CREBBP: variants seen among roughly 807,000 people sequenced by gnomAD.
CREBBP encodes the protein CREB binding lysine acetyltransferase, also known as CREB-binding protein.
CREBBP carries 19 observed loss-of-function variants against 265.0 expected under a neutral mutation model. The observed-to-expected ratio is 0.07, with a 90% confidence interval of 0.05 to 0.11. CREBBP has a LOEUF of 0.11. Ranked by LOEUF, CREBBP falls within the 10% of genes least tolerant of loss-of-function variation. CREBBP has a pLI of 1.00. For missense variants in CREBBP, 2,525 were observed against 3,219.0 expected (o/e 0.78, Z 5.22); for synonymous variants, 1,457 against 1,223.7 (o/e 1.19, Z -3.98).
chr16:3,872,049 C>T (rs1463053386), intron 1 of CREBBP, among the ~76,000 whole-genome samples: 3 of 152,116 alleles, frequency 2.0e-5, no homozygotes, highest in South Asian at 2.1e-4. Context: ...AATGAAACAC[C>T]GGGGAAAATG....
chr16:3,732,364 G>A (rs1174846767), intron 28 of CREBBP, among the ~76,000 whole-genome samples: 1 of 152,110 alleles, frequency 6.6e-6, no homozygotes, highest in African/African-American at 2.4e-5. Flanking sequence ...GCTGCTGATG[G>A]GAAAAGCAGC....
At position 3,767,957 on chromosome 16, in the gene CREBBP, G is replaced by A. The variant is rs183880012; in HGVS notation, c.3061-48C>T. On this transcript the variant is annotated intron_variant, in intron 15 of 30. Transcript: ENST00000262367. ...ACATATGAATATCAAACACCTTTATGTTACCGCAACCTCACGGGAAGACTC... is the reference window on the plus strand; with the variant it reads ...ACATATGAATATCAAACACCTTTATATTACCGCAACCTCACGGGAAGACTC... 108 of 1,578,208 alleles carry A rather than the reference G, an allele frequency of 6.8e-5. No homozygotes were observed. In the East Asian group the frequency reaches 2.3e-3, roughly 34 times the overall value.
intron 28 of CREBBP, among the ~76,000 whole-genome samples, chr16:3,734,366 G>C (rs568711558): frequency 6.6e-6 from 1 of 152,250 alleles, no homozygotes; most frequent in East Asian, 1.9e-4. Flanking sequence ...TCTACATGCC[G>C]ACACCTCAGC....
At position 3,846,756 on chromosome 16, in the gene CREBBP, T is replaced by C. The variant is rs149551774; in HGVS notation, c.798+3541A>G. 1.7e-4 allele frequency among the ~76,000 whole-genome samples: 26 copies of C among 152,278 alleles called. No individual in the cohort carries two copies. The East Asian group carries it at 4.2e-3, about 25-fold the overall frequency. On this transcript the variant is annotated intron_variant, in intron 2 of 30. Transcript: ENST00000262367. ...ATGCTACTCTTTATGTCTGGGGAGA[T>C]AGCACACACATACCCACACCCCTCT...
chr16:3,797,295 T>C (rs1490846238), intron 3 of CREBBP, among the ~76,000 whole-genome samples: 3 of 152,220 alleles, frequency 2.0e-5, no homozygotes, highest in Non-Finnish European at 2.9e-5. Flanking sequence ...GCAATCTATA[T>C]TGCCAGATAC....
In CREBBP at chr16:3,740,541, T is replaced by C. The variant is rs760738733; in HGVS notation, c.3991A>G (p.Thr1331Ala). The C allele has an allele frequency of 1.2e-6, 2 of 1,614,110 alleles. No homozygotes were observed. The highest frequency in any genetic ancestry group is 1.1e-5 in the South Asian group (1 of 91,080). ...ENKFSAKRLQ[T>A]TRLGNHLEDR... ...TCCAAGTGGTTTCCCAGTCTTGTGG[T>C]CTGCAGCCCTAGGAAGTCCAGAAGG... Residue 1331 changes from threonine (T) to alanine (A), a missense_variant, in exon 24 of 31, where the codon ACC becomes GCC. Around this residue, in one of 19 missense-constraint regions of CREBBP, gnomAD observed 252 missense variants for 452.5 expected, o/e 0.56. Coordinates refer to ENST00000262367, the MANE Select transcript of CREBBP (RefSeq NM_004380.3).
At position 3,773,860 on chromosome 16, in the gene CREBBP, GCCATCATGTTGTTGGTGTGTGCAC is replaced by G. The variant is rs1390131531; in HGVS notation, c.2330_2353del (p.Gly777_Met784del). Reference sequence around the variant, plus strand: ...AAACTGGCTCTGAGCGGGCGCCTGGGCCATCATGTTGTTGGTGTGTGCACCCATCATGTTCGGAGGCTGAGGCAT... The same window carrying G: ...AAACTGGCTCTGAGCGGGCGCCTGGGCCATCATGTTCGGAGGCTGAGGCAT... On this transcript the variant is annotated inframe_deletion, in exon 13 of 31. Coordinates refer to ENST00000262367, the MANE Select transcript of CREBBP (RefSeq NM_004380.3). The G allele has an allele frequency of 6.2e-7, 1 of 1,612,334 alleles. No homozygotes were observed. The highest frequency in any genetic ancestry group is 1.1e-5 in the South Asian group (1 of 91,002).
chr16:3,867,528 A>G (rs1371006330), intron 1 of CREBBP, among the ~76,000 whole-genome samples: 1 of 152,154 alleles, frequency 6.6e-6, no homozygotes, highest in African/African-American at 2.4e-5. Flanking sequence ...ATTCCTATTT[A>G]TATAACATAG....
At position 3,877,744 on chromosome 16, in the gene CREBBP, GT is replaced by G. The variant is rs1380541975; in HGVS notation, c.85+2087del. On this transcript the variant is annotated intron_variant, in intron 1 of 30. Transcript: ENST00000262367. ...GTGCTTGATAATGAGCCCTTCCTTGGTCCCCCATACTAACAGACCCTTTCAC... is the reference window on the plus strand; with the variant it reads ...GTGCTTGATAATGAGCCCTTCCTTGGCCCCCATACTAACAGACCCTTTCAC... Among the ~76,000 whole-genome samples, 6 of 152,154 alleles carry G rather than the reference GT, an allele frequency of 3.9e-5. No homozygotes were observed. The East Asian group carries it at 1.2e-3, about 29-fold the overall frequency.
chr16:3,784,951 T>C (rs2053352544), intron 5 of CREBBP, among the ~76,000 whole-genome samples: 1 of 152,190 alleles, frequency 6.6e-6, no homozygotes, highest in African/African-American at 2.4e-5. Context: ...TAAAAGAAAA[T>C]ATACCTATGA....
At chr16:3,875,353 A>G (rs952359215) in intron 1 of CREBBP, among the ~76,000 whole-genome samples, 2 of 152,168 alleles carry the variant, frequency 1.3e-5, no homozygotes, top group Admixed American at 6.5e-5. Context: ...CCTAGTCCTA[A>G]AAGTCTCTAT....
chr16:3,820,760 T>G (rs2054126738), intron 2 of CREBBP, among the ~76,000 whole-genome samples: 1 of 152,090 alleles, frequency 6.6e-6, no homozygotes, highest in Admixed American at 6.6e-5. Context: ...TTTCGGAGGC[T>G]GAGGTGGGAG....
chr16:3,742,103 A>C (rs969117216), intron 23 of CREBBP: 6 of 152,156 alleles, frequency 3.9e-5, no homozygotes, highest in South Asian at 2.1e-4. Context: ...AAAACAAAAA[A>C]AAAACAAAAA....
chr16:3,842,967 C>CAAAAAAAAAAAAAAAAA (rs59990532), intron 2 of CREBBP, among the ~76,000 whole-genome samples: 2 of 65,214 alleles, frequency 3.1e-5, no homozygotes, highest in African/African-American at 1.3e-4. Context: ...ACTCCCATCT[C>CAAAAAAAAAAAAAAAAA]AAAAAAAAAA....
intron 11 of CREBBP, among the ~76,000 whole-genome samples, chr16:3,777,100 TG>T (rs2053158741): frequency 2.6e-5 from 4 of 152,126 alleles, no homozygotes; most frequent in Admixed American, 2.6e-4. Context: ...CCCAGCACTT[TG>T]GGAGGCTGAG....
chr16:3,858,624 T>C (rs563135931), intron 1 of CREBBP, among the ~76,000 whole-genome samples: 40 of 152,234 alleles, frequency 2.6e-4, no homozygotes, highest in African/African-American at 9.6e-4. Context: ...GCTCACATTA[T>C]AGAGGATACA....
chr16:3,728,227 T>C lies in CREBBP; in HGVS notation c.6820A>G (p.Met2274Val), dbSNP rs1306100144. ...MAAQMGQLGQ[M>V]GQPGLGADST... ...TCTGCCCCCAGCCCCGGCTGCCCCATCTGGCCAAGCTGTCCCATCTGAGCC... is the reference window on the plus strand; with the variant it reads ...TCTGCCCCCAGCCCCGGCTGCCCCACCTGGCCAAGCTGTCCCATCTGAGCC... Residue 2274 changes from methionine to valine, a missense_variant, in exon 31 of 31, where the codon ATG (methionine) becomes GTG (valine). Around this residue, in one of 19 missense-constraint regions of CREBBP, gnomAD observed 473 missense variants for 459.3 expected, o/e 1.03. Coordinates refer to ENST00000262367, the MANE Select transcript of CREBBP (RefSeq NM_004380.3). The surrounding 1 kb of genome is among the most constrained non-coding windows in gnomAD (Gnocchi z 8.7). 1.2e-6 allele frequency: 2 copies of C among 1,613,440 alleles called. No homozygotes were observed. Among genetic ancestry groups the C allele is most frequent in the Admixed American group, 1.7e-5 (1 of 60,012 alleles).
chr16:3,755,140 T>C (rs2052559050), intron 19 of CREBBP, among the ~76,000 whole-genome samples: 1 of 152,230 alleles, frequency 6.6e-6, no homozygotes, highest in African/African-American at 2.4e-5. Context: ...TGAAGTTCTA[T>C]ACAGAAATAA....
rs1036381891 is a variant in CREBBP, at chr16:3,731,057, C to A, written c.5172+135G>T. 1.6e-5 allele frequency: 15 copies of A among 909,200 alleles called. No individual in the cohort carries two copies. In the African/African-American group the frequency reaches 2.1e-4, roughly 13 times the overall value. 56.3% of individuals were successfully genotyped at this position (909,200 alleles called of 1,614,324 possible). On this transcript the variant is annotated intron_variant, in intron 30 of 30. Transcript: ENST00000262367. The surrounding 1 kb of genome is among the most constrained non-coding windows in gnomAD (Gnocchi z 7.7). ...CACAGCAACGCCTTCTGCCTTGTGA[C>A]GCTGTCCTAGTTCTGGAGGAGTCAG...
Sources: allele counts gnomAD v4.1 joint callset (sites outside exome capture counted in the v4.1 genomes callset), GRCh38; gene constraint gnomAD v4.1.1; regional missense constraint gnomAD v4.1.1; non-coding constraint Gnocchi (gnomAD v3.1); transcripts MANE v1.5; gene names NCBI Gene and HGNC (gene_info 2026-07-23, HGNC 2026-07-21).